The following EPHA4 variants were observed in gnomAD, a reference collection of about 807,000 sequenced individuals.
EPHA4 encodes EPH receptor A4, also known as ephrin type-A receptor 4.
In EPHA4, 19 loss-of-function variants were observed where a neutral mutation model predicts 108.3. That is an observed-to-expected ratio of 0.18 (90% CI 0.12 to 0.26). EPHA4 has a LOEUF of 0.26. Ranked by LOEUF, EPHA4 falls within the 10% of genes least tolerant of loss-of-function variation. The pLI is 1.00. For synonymous variants in EPHA4, 449 were observed against 455.5 expected (o/e 0.99, Z 0.18); for missense variants, 917 against 1,254.0 (o/e 0.73, Z 4.06).
intron 5 of EPHA4, among the ~76,000 whole-genome samples, chr2:221,478,779 A>G (rs542246403): frequency 6.6e-6 from 1 of 151,808 alleles, no homozygotes; most frequent in African/African-American, 2.4e-5. Context: ...GTGTCCTTCC[A>G]ACAACCTTAG....
intron 3 of EPHA4, among the ~76,000 whole-genome samples, chr2:221,504,472 T>C (rs1692573636): frequency 6.6e-6 from 1 of 152,020 alleles, no homozygotes; most frequent in Non-Finnish European, 1.5e-5. Context: ...TTTTGATGCA[T>C]TGATGTGTGT....
intron 4 of EPHA4, among the ~76,000 whole-genome samples, chr2:221,483,226 T>C (rs539144843): frequency 6.6e-6 from 1 of 152,294 alleles, no homozygotes; most frequent in South Asian, 2.1e-4. Flanking sequence ...GGGTAATTAG[T>C]ACGAACTGGT....
chr2:221,483,229 G>T (rs891305214), intron 4 of EPHA4, among the ~76,000 whole-genome samples: 1 of 152,122 alleles, frequency 6.6e-6, no homozygotes, highest in Non-Finnish European at 1.5e-5. Flanking sequence ...TAATTAGTAC[G>T]AACTGGTTTA....
chr2:221,527,960 T>C (rs993197557), intron 3 of EPHA4, among the ~76,000 whole-genome samples: 2 of 152,078 alleles, frequency 1.3e-5, no homozygotes, highest in African/African-American at 4.8e-5. Flanking sequence ...ACAAAGACAT[T>C]CTTTCACAAG....
intron 3 of EPHA4, among the ~76,000 whole-genome samples, chr2:221,554,358 A>C (rs962725849): frequency 1.3e-5 from 2 of 152,248 alleles, no homozygotes; most frequent in African/African-American, 4.8e-5. Context: ...CTGTGAAATT[A>C]GTTTGAACTC....
chr2:221,502,623 G>A (rs896434913), intron 3 of EPHA4: 3 of 470,570 alleles, frequency 6.4e-6, no homozygotes, highest in African/African-American at 6.0e-5. Flanking sequence ...TCAAGCATCT[G>A]TATGGCTTCC....
At chr2:221,494,989 T>C (rs1278871085) in intron 4 of EPHA4, among the ~76,000 whole-genome samples, 1 of 126,668 alleles carries the variant, frequency 7.9e-6, no homozygotes, top group Non-Finnish European at 1.6e-5. Context: ...GTGCTTGTCC[T>C]GGCAATGTTG....
At chr2:221,563,084 C>T (rs915796481) in intron 3 of EPHA4, among the ~76,000 whole-genome samples, 1 of 152,180 alleles carries the variant, frequency 6.6e-6, no homozygotes, top group Non-Finnish European at 1.5e-5. Flanking sequence ...TTAATTACCA[C>T]CTCCTAAGAG....
chr2:221,561,038 G>C (rs1237980397), intron 3 of EPHA4, among the ~76,000 whole-genome samples: 1 of 152,012 alleles, frequency 6.6e-6, no homozygotes, highest in Non-Finnish European at 1.5e-5. Flanking sequence ...GTCAGGAGAT[G>C]GAGACCATCC....
intron 2 of EPHA4, among the ~76,000 whole-genome samples, chr2:221,566,672 T>A (rs1006679628): frequency 2.2e-4 from 33 of 151,300 alleles, no homozygotes; most frequent in African/African-American, 7.5e-4. Context: ...AAGTACTGGG[T>A]CGTATACAGT....
At chr2:221,570,265 A>G (rs111782741) in intron 1 of EPHA4, among the ~76,000 whole-genome samples, 35 of 151,874 alleles carry the variant, frequency 2.3e-4, no homozygotes, top group African/African-American at 8.0e-4. Context: ...CCCCTTCAAC[A>G]TTAGCCTAGG....
At chr2:221,566,872 A>AAGGAGAAGG (rs1694657119) in intron 2 of EPHA4, among the ~76,000 whole-genome samples, 4 of 41,598 alleles carry the variant, frequency 9.6e-5, no homozygotes, top group African/African-American at 2.0e-4. Context: ...GAAGAAGAAG[A>AAGGAGAAGG]AGAAGGAGAA....
At chr2:221,480,440 GT>G (rs1472745031) in intron 5 of EPHA4, among the ~76,000 whole-genome samples, 1 of 152,154 alleles carries the variant, frequency 6.6e-6, no homozygotes, top group Non-Finnish European at 1.5e-5. Context: ...TGCAGAAATC[GT>G]TCTGCATTGC....
chr2:221,566,795 AGAAGAG>A (rs1484883352), intron 2 of EPHA4, among the ~76,000 whole-genome samples: 1 of 147,980 alleles, frequency 6.8e-6, no homozygotes, highest in Non-Finnish European at 1.5e-5. Flanking sequence ...AAGGAGAAGA[AGAAGAG>A]GGAGAAGAAG....
chr2:221,452,107 C>G (rs1260132777), intron 8 of EPHA4, among the ~76,000 whole-genome samples: 1 of 152,222 alleles, frequency 6.6e-6, no homozygotes, highest in Non-Finnish European at 1.5e-5. Flanking sequence ...AGGACTGAAA[C>G]TTTCTCACTA....
At chr2:221,522,341 G>A (rs925152888) in intron 3 of EPHA4, among the ~76,000 whole-genome samples, 11 of 152,318 alleles carry the variant, frequency 7.2e-5, no homozygotes, top group South Asian at 6.2e-4. Flanking sequence ...AATATCACAC[G>A]TTTGAATTCT....
At chr2:221,526,674 C>G (rs538231519) in intron 3 of EPHA4, among the ~76,000 whole-genome samples, 1 of 151,748 alleles carries the variant, frequency 6.6e-6, no homozygotes, top group Non-Finnish European at 1.5e-5. Context: ...TGGTGAAACC[C>G]GCTCTCTACT....
intron 5 of EPHA4, among the ~76,000 whole-genome samples, chr2:221,469,896 C>T (rs915063826): frequency 3.3e-5 from 5 of 152,090 alleles, no homozygotes; most frequent in South Asian, 2.1e-4. Flanking sequence ...GTTTTTTAAT[C>T]GTCATTTAAA....
rs1301756666 is a variant in EPHA4, at chr2:221,566,915, A to G, written c.159+1803T>C. On this transcript the variant is annotated intron_variant, in intron 2 of 17. Transcript: ENST00000281821. ...GAGAAGGAGAAGGAGAAGGAGAAGGAGAAGGAGAAGGAGAAGGAGAAGGAG... is the reference window on the plus strand; with the variant it reads ...GAGAAGGAGAAGGAGAAGGAGAAGGGGAAGGAGAAGGAGAAGGAGAAGGAG... 4.9e-4 allele frequency among the ~76,000 whole-genome samples: 24 copies of G among 48,846 alleles called. 5 individuals are homozygous for G. Among genetic ancestry groups the G allele is most frequent in the Admixed American group, 8.5e-4 (4 of 4,726 alleles). The allele number at this position is 48,846 out of a possible 152,430, so 32.0% of individuals were successfully genotyped here.
Sources: allele counts gnomAD v4.1 joint callset (sites outside exome capture counted in the v4.1 genomes callset), GRCh38; gene constraint gnomAD v4.1.1; transcripts MANE v1.5; gene names NCBI Gene and HGNC (gene_info 2026-07-23, HGNC 2026-07-21).